KCNK2: variants seen among roughly 807,000 people sequenced by gnomAD.
KCNK2 encodes the protein potassium two pore domain channel subfamily K member 2.
In KCNK2, 21 loss-of-function variants were observed where a neutral mutation model predicts 40.5. The ratio of observed to expected loss-of-function variants is 0.52; its 90% CI spans 0.37 to 0.75. The LOEUF (loss-of-function observed/expected upper bound fraction) is 0.75. KCNK2 is among the 30% of genes least tolerant of loss of function. The probability of loss-of-function intolerance (pLI) is 0.00; values close to 1 mark genes in which losing one functional copy is unlikely to be tolerated. For synonymous variants in KCNK2, 191 were observed against 202.2 expected (o/e 0.94, Z 0.47); for missense variants, 399 against 531.6 (o/e 0.75, Z 2.45).
chr1:215,136,994 A>T (rs1413960173), intron 3 of KCNK2, among the ~76,000 whole-genome samples: 4 of 152,142 alleles, frequency 2.6e-5, no homozygotes, highest in Non-Finnish European at 5.9e-5. Flanking sequence ...AAAAAATTTA[A>T]TTTTTTCCAT....
chr1:215,132,915 A>G (rs927129580), intron 3 of KCNK2, among the ~76,000 whole-genome samples: 4 of 152,234 alleles, frequency 2.6e-5, no homozygotes, highest in Admixed American at 6.5e-5. Context: ...CTCATTGCCT[A>G]TGTATGTTAC....
intron 6 of KCNK2, among the ~76,000 whole-genome samples, chr1:215,219,745 T>A (rs1666098528): frequency 6.6e-6 from 1 of 152,222 alleles, no homozygotes; most frequent in Admixed American, 6.5e-5. Context: ...TATTGTTTGT[T>A]TATTTATGTG....
chr1:215,086,693 G>A lies in KCNK2; in HGVS notation c.357+15G>A. On this transcript the variant is annotated intron_variant, in intron 2 of 6. Transcript: ENST00000444842. Reference sequence around the variant, plus strand: ...AACTCATTCAGGTAATGGCATGGGAGGAGTTGTTACTCTGTTCCCCCAAAT... The same window carrying A: ...AACTCATTCAGGTAATGGCATGGGAAGAGTTGTTACTCTGTTCCCCCAAAT... The A allele has an allele frequency of 6.2e-7, 1 of 1,605,090 alleles. No individual in the cohort carries two copies. Among genetic ancestry groups the A allele is most frequent in the Non-Finnish European group, 8.5e-7 (1 of 1,173,652 alleles).
chr1:215,009,033 A>G (rs1656284373), intron 1 of KCNK2, among the ~76,000 whole-genome samples: 1 of 152,102 alleles, frequency 6.6e-6, no homozygotes, highest in Non-Finnish European at 1.5e-5. Flanking sequence ...GTATATAACC[A>G]TGTCTAATCA....
At chr1:215,184,365 A>G (rs1407619655) in intron 5 of KCNK2, among the ~76,000 whole-genome samples, 1 of 152,166 alleles carries the variant, frequency 6.6e-6, no homozygotes, top group Non-Finnish European at 1.5e-5. Flanking sequence ...TTTAAATATA[A>G]CTAACAAGGC....
At chr1:215,009,248 C>G (rs1656291551) in intron 1 of KCNK2, among the ~76,000 whole-genome samples, 1 of 152,042 alleles carries the variant, frequency 6.6e-6, no homozygotes, top group Admixed American at 6.6e-5. Context: ...ATGCAAAGCA[C>G]TTGGGCAGAA....
chr1:215,053,937 G>A (rs1227257328), intron 1 of KCNK2, among the ~76,000 whole-genome samples: 2 of 152,154 alleles, frequency 1.3e-5, no homozygotes, highest in Non-Finnish European at 1.5e-5. Context: ...CCTGCACTCC[G>A]GCCTGGGCGA....
chr1:215,046,133 G>A (rs918402923), intron 1 of KCNK2, among the ~76,000 whole-genome samples: 1 of 152,058 alleles, frequency 6.6e-6, no homozygotes, highest in African/African-American at 2.4e-5. Flanking sequence ...TAAATTCTAG[G>A]TCATTGCCAG....
intron 1 of KCNK2, among the ~76,000 whole-genome samples, chr1:215,013,590 T>A (rs959281803): frequency 1.3e-5 from 2 of 152,184 alleles, no homozygotes; most frequent in African/African-American, 4.8e-5. Context: ...ATTTCTCCTA[T>A]TTGGCTATTC....
rs779416464 is a variant in KCNK2, at chr1:215,083,442, C to G, written c.46+11C>G. ...GCTATAGAGCAGGAGGTGAGACCCC[C>G]CCTCCGGTACCCCCACCCCTCTGGC... On this transcript the variant is annotated intron_variant, in intron 1 of 6. Transcript: ENST00000444842. The G allele has an allele frequency of 1.9e-6, 3 of 1,594,728 alleles. No homozygotes were observed. In the South Asian group the frequency reaches 3.3e-5, roughly 18 times the overall value.
chr1:215,209,463 T>TA (rs1665510563), intron 6 of KCNK2, among the ~76,000 whole-genome samples: 1 of 5,252 alleles, frequency 1.9e-4, no homozygotes, highest in Non-Finnish European at 5.9e-4. Context: ...TTATATATTA[T>TA]ATATAATATA....
At chr1:215,024,261 A>ATATT (rs1656919392) in intron 1 of KCNK2, among the ~76,000 whole-genome samples, 2 of 152,198 alleles carry the variant, frequency 1.3e-5, no homozygotes, top group Non-Finnish European at 2.9e-5. Context: ...CAATCTTTGA[A>ATATT]TGGGGCCAGT....
chr1:215,137,443 ATACT>A (rs1661981079), intron 3 of KCNK2, among the ~76,000 whole-genome samples: 1 of 152,246 alleles, frequency 6.6e-6, no homozygotes, highest in Admixed American at 6.5e-5. Context: ...GCAGAATCAA[ATACT>A]TACAGCAGAG....
chr1:215,201,888 C>T (rs1229598166), intron 6 of KCNK2, among the ~76,000 whole-genome samples: 1 of 152,138 alleles, frequency 6.6e-6, no homozygotes, highest in Non-Finnish European at 1.5e-5. Context: ...TCCCACCCTC[C>T]ATCACTCCCT....
chr1:215,015,144 T>A (rs1209294817), intron 1 of KCNK2, among the ~76,000 whole-genome samples: 1 of 152,178 alleles, frequency 6.6e-6, no homozygotes, highest in Non-Finnish European at 1.5e-5. Context: ...TTGGACATTT[T>A]AAACTTAACT....
chr1:215,143,262 G>T (rs1662266921), intron 3 of KCNK2, among the ~76,000 whole-genome samples: 2 of 152,200 alleles, frequency 1.3e-5, no homozygotes, highest in South Asian at 2.1e-4. Context: ...GAAGTGTTTT[G>T]TATCCAAGGG....
intron 1 of KCNK2, among the ~76,000 whole-genome samples, chr1:215,042,233 C>G (rs1417428713): frequency 1.3e-5 from 2 of 152,072 alleles, no homozygotes; most frequent in Non-Finnish European, 2.9e-5. Flanking sequence ...AGATCAAGGG[C>G]ACATGTACTG....
intron 2 of KCNK2, among the ~76,000 whole-genome samples, chr1:215,104,486 G>T (rs931842004): frequency 6.6e-6 from 1 of 151,962 alleles, no homozygotes; most frequent in African/African-American, 2.4e-5. Flanking sequence ...TCACTGTTTT[G>T]CATTGATCAT....
intron 3 of KCNK2, 90 bp from the exon 4 acceptor site, chr1:215,169,109 T>G: frequency 1.1e-6 from 1 of 943,696 alleles, no homozygotes; most frequent in Non-Finnish European, 1.6e-6. Flanking sequence ...TATTGATATC[T>G]TGCAATTTTT....
Sources: gnomAD v4.1 joint callset for allele counts (sites outside exome capture counted in the v4.1 genomes callset) on GRCh38, gnomAD v4.1.1 for gene constraint, MANE v1.5 for transcripts, NCBI Gene and HGNC (gene_info 2026-07-23, HGNC 2026-07-21) for gene names.